Variants in CCDC192 observed in about 807,000 individuals in gnomAD.
CCDC192 encodes coiled-coil domain-containing protein 192.
At chr5:127,811,138 C>T (rs1198145939) in intron 5 of CCDC192, among the ~76,000 whole-genome samples, 1 of 152,200 alleles carries the variant, frequency 6.6e-6, no homozygotes, top group East Asian at 1.9e-4. Context: ...ACGCTCTCTG[C>T]TGTCTTAAGA....
intron 3 of CCDC192, among the ~76,000 whole-genome samples, chr5:127,769,321 A>G (rs769998445): frequency 2.6e-5 from 4 of 152,172 alleles, no homozygotes; most frequent in Non-Finnish European, 4.4e-5. Context: ...GAAGGAACAG[A>G]TTGTGAGGAA....
In CCDC192 at chr5:127,907,213, G is replaced by A. The variant is rs148812816; in HGVS notation, c.535+31552G>A. Among the ~76,000 whole-genome samples the A allele has an allele frequency of 4.3e-3, 661 of 152,164 alleles. 5 individuals carry two copies. Among genetic ancestry groups the A allele is most frequent in the African/African-American group, 0.016 (644 of 41,502 alleles). On this transcript the variant is annotated intron_variant, in intron 6 of 6. Coordinates refer to ENST00000514853, the MANE Select transcript of CCDC192 (RefSeq NM_001317938.2). ...CAAAGTCCAAGAAACCCACAAGTTA[G>A]CCATAATTTTAGTGTCTACAGAGAC...
chr5:127,923,336 G>A (rs1753776376), intron 6 of CCDC192, among the ~76,000 whole-genome samples: 1 of 151,602 alleles, frequency 6.6e-6, no homozygotes, highest in African/African-American at 2.4e-5. Flanking sequence ...GTATTTTAGG[G>A]GTCCTCCCTC....
chr5:127,846,837 A>AG (rs1750572241), intron 5 of CCDC192, among the ~76,000 whole-genome samples: 1 of 151,450 alleles, frequency 6.6e-6, no homozygotes, highest in Non-Finnish European at 1.5e-5. Context: ...AAAAAAAAAA[A>AG]AAAAAAAACA....
intron 6 of CCDC192, among the ~76,000 whole-genome samples, chr5:127,905,065 G>C (rs1313523224): frequency 6.6e-6 from 1 of 151,876 alleles, no homozygotes; most frequent in Non-Finnish European, 1.5e-5. Flanking sequence ...GGCTTTTGCT[G>C]AAAAGGAGCT....
chr5:127,877,581 C>T (rs761409617), intron 6 of CCDC192, among the ~76,000 whole-genome samples: 2 of 152,178 alleles, frequency 1.3e-5, no homozygotes, highest in Non-Finnish European at 2.9e-5. Context: ...TGCTCTTCCA[C>T]AGGCCCCTTG....
rs145249984 is a variant in CCDC192, at chr5:127,765,785, C to T, written c.222+11410C>T. On this transcript the variant is annotated intron_variant, in intron 3 of 6. Transcript: ENST00000514853. Reference sequence around the variant, plus strand: ...ATTGTAACATTTGGTCACTCTATCACTGAACAGAAAATGTCCTTCAATTAG... The same window carrying T: ...ATTGTAACATTTGGTCACTCTATCATTGAACAGAAAATGTCCTTCAATTAG... Among the ~76,000 whole-genome samples the T allele has an allele frequency of 2.1e-3, 321 of 152,304 alleles. 1 individual carries two copies. Among genetic ancestry groups the T allele is most frequent in the African/African-American group, 7.3e-3 (305 of 41,562 alleles).
At chr5:127,736,526 C>A (rs1254993432) in intron 2 of CCDC192, among the ~76,000 whole-genome samples, 190 of 151,844 alleles carry the variant, frequency 1.3e-3, no homozygotes, top group African/African-American at 3.7e-3. Context: ...CCTTTTACCT[C>A]TGGTAGAATT....
At chr5:127,856,467 A>G (rs1259109598) in intron 5 of CCDC192, among the ~76,000 whole-genome samples, 1 of 152,088 alleles carries the variant, frequency 6.6e-6, no homozygotes, top group African/African-American at 2.4e-5. Flanking sequence ...TTGCTTTTTT[A>G]TTCATGTGTT....
intron 5 of CCDC192, among the ~76,000 whole-genome samples, chr5:127,869,989 G>A (rs939475541): frequency 3.0e-4 from 45 of 152,142 alleles, no homozygotes; most frequent in African/African-American, 1.1e-3. Context: ...TCTGGGTCAA[G>A]GTTAGGGTGA....
rs568908526 is a variant in CCDC192, at chr5:127,847,747, T to C, written c.412-27791T>C. On this transcript the variant is annotated intron_variant, in intron 5 of 6. Coordinates refer to ENST00000514853, the MANE Select transcript of CCDC192 (RefSeq NM_001317938.2). ...TGAGGCAGGAGAATCCACTTGAACC[T>C]GGAAGGTGGAGGTTGCGGTGAGCCA... Among the ~76,000 whole-genome samples, 581 of 151,256 alleles carry C rather than the reference T, an allele frequency of 3.8e-3. 3 individuals carry two copies. Among genetic ancestry groups the C allele is most frequent in the African/African-American group, 0.013 (545 of 41,308 alleles).
intron 6 of CCDC192, among the ~76,000 whole-genome samples, chr5:127,902,356 T>A (rs773919217): frequency 4.1e-4 from 62 of 151,952 alleles, no homozygotes; most frequent in Non-Finnish European, 4.6e-4. Flanking sequence ...TATAAAAGTT[T>A]TTTTTTTTTT....
intron 6 of CCDC192, among the ~76,000 whole-genome samples, chr5:127,895,533 T>G (rs1384244031): frequency 6.6e-6 from 1 of 152,110 alleles, no homozygotes; most frequent in Non-Finnish European, 1.5e-5. Context: ...TGCAAGATAT[T>G]AAATACTTAG....
intron 2 of CCDC192, among the ~76,000 whole-genome samples, chr5:127,710,410 T>A (rs949850196): frequency 2.0e-5 from 3 of 152,018 alleles, no homozygotes; most frequent in African/African-American, 7.2e-5. Flanking sequence ...GAAGATTTCT[T>A]GACCACCAAG....
At chr5:127,797,080 T>C in intron 3 of CCDC192, 23 bp from the exon 4 acceptor site, 1 of 397,048 alleles carries the variant, frequency 2.5e-6, no homozygotes, top group Non-Finnish European at 4.5e-6. Context: ...ACTTACATAC[T>C]CTTATAAAGA....
intron 3 of CCDC192, among the ~76,000 whole-genome samples, chr5:127,794,032 T>C (rs1038468125): frequency 1.3e-5 from 2 of 152,222 alleles, no homozygotes; most frequent in Non-Finnish European, 2.9e-5. Flanking sequence ...CCTGATTTCC[T>C]GATGTCTGTG....
chr5:127,845,285 G>A (rs1434649722), intron 5 of CCDC192, among the ~76,000 whole-genome samples: 1 of 152,268 alleles, frequency 6.6e-6, no homozygotes, highest in Middle Eastern at 3.4e-3. Flanking sequence ...TAGTGAGAGT[G>A]GGCCGCCCTT....
intron 5 of CCDC192, among the ~76,000 whole-genome samples, chr5:127,869,337 T>C (rs1167174833): frequency 6.6e-6 from 1 of 151,824 alleles, no homozygotes; most frequent in African/African-American, 2.4e-5. Flanking sequence ...AAAAATAAAA[T>C]AAAATAAAAT....
intron 2 of CCDC192, among the ~76,000 whole-genome samples, chr5:127,727,486 A>G (rs555649373): frequency 1.5e-4 from 23 of 152,252 alleles, no homozygotes; most frequent in Middle Eastern, 3.4e-3. Flanking sequence ...AAAGAAAAAA[A>G]AAATCAAAAG....
Sources: allele counts gnomAD v4.1 joint callset (sites outside exome capture counted in the v4.1 genomes callset), GRCh38; gene constraint gnomAD v4.1.1; transcripts MANE v1.5; gene names NCBI Gene and HGNC (gene_info 2026-07-23, HGNC 2026-07-21).